SEC22C: variants seen among roughly 807,000 people sequenced by gnomAD.
SEC22C encodes the protein vesicle-trafficking protein SEC22c.
A neutral mutation model predicts 34.7 loss-of-function variants in SEC22C; 29 were observed. The observed-to-expected ratio is 0.84, with a 90% CI of 0.62 to 1.14. SEC22C has a LOEUF of 1.14. Among genes scored for constraint, SEC22C ranks in the 50% most tolerant of loss-of-function variants. The pLI, the probability that SEC22C is intolerant of heterozygous loss-of-function variation, is 0.00. For synonymous variants in SEC22C, 117 were observed against 132.8 expected, an observed-to-expected ratio of 0.88 and a Z score of 0.82; for missense variants, 337 against 369.0, an observed-to-expected ratio of 0.91 and a Z score of 0.71.
intron 6 of SEC22C, among the ~76,000 whole-genome samples, chr3:42,554,552 C>G (rs1213566644): frequency 6.6e-6 from 1 of 151,962 alleles, no homozygotes; most frequent in East Asian, 1.9e-4. Flanking sequence ...GTTCCCTAGG[C>G]TGGTCTTGAA....
rs147279884 is a variant in SEC22C, at chr3:42,565,770, C to T, written c.183-2084G>A. 1.8e-4 allele frequency: 74 copies of T among 414,742 alleles called. 1 individual carries two copies. The East Asian group carries it at 4.8e-3, about 27-fold the overall frequency. 25.7% of individuals were successfully genotyped at this position (414,742 alleles called of 1,614,324 possible). ...AGTTTGTAGAGGGAACATGGCCCTGCGATACCTGTGAGAGAACGAATTCTG... is the reference window on the plus strand; with the variant it reads ...AGTTTGTAGAGGGAACATGGCCCTGTGATACCTGTGAGAGAACGAATTCTG... On this transcript the variant is annotated intron_variant, in intron 2 of 6. Coordinates refer to ENST00000264454, the MANE Select transcript of SEC22C (RefSeq NM_032970.4).
chr3:42,596,065 C>G (rs1486936222), intron 1 of SEC22C, among the ~76,000 whole-genome samples: 1 of 151,746 alleles, frequency 6.6e-6, no homozygotes, highest in African/African-American at 2.4e-5. Context: ...GAATCTCGCT[C>G]TGTCGGAGTG....
chr3:42,594,553 G>A, intron 1 of SEC22C: 1 of 1,528,302 alleles, frequency 6.5e-7, no homozygotes, highest in Non-Finnish European at 9.1e-7. Flanking sequence ...GCTGTCGTGA[G>A]GAGTAATTGA....
chr3:42,559,633 T>C (rs922763611), intron 4 of SEC22C, among the ~76,000 whole-genome samples: 1 of 152,184 alleles, frequency 6.6e-6, no homozygotes, highest in African/African-American at 2.4e-5. Context: ...ATTCAAGAAA[T>C]GAGTTTAGCA....
chr3:42,590,939 G>A, intron 1 of SEC22C: 2 of 1,402,612 alleles, frequency 1.4e-6, no homozygotes, highest in Non-Finnish European at 1.9e-6. Context: ...GGGGCAAGGC[G>A]GAAGTCAATC....
At chr3:42,599,763 CACTT>C (rs1376857691) in intron 1 of SEC22C, among the ~76,000 whole-genome samples, 17 of 151,618 alleles carry the variant, frequency 1.1e-4, no homozygotes, top group Non-Finnish European at 2.1e-4. Flanking sequence ...AAAATGTTGA[CACTT>C]ACTTGACAAC....
At chr3:42,594,572 C>T in intron 1 of SEC22C, 1 of 1,391,150 alleles carries the variant, frequency 7.2e-7, no homozygotes, top group South Asian at 1.2e-5. Context: ...GAATGTAATC[C>T]ATCTCTTACA....
At chr3:42,591,647 A>C in intron 1 of SEC22C, 1 of 1,293,068 alleles carries the variant, frequency 7.7e-7, no homozygotes, top group Non-Finnish European at 1.1e-6. Flanking sequence ...GTAGAGGGGA[A>C]GCCTGTGTGA....
At chr3:42,566,925 T>A (rs1703283854) in intron 2 of SEC22C, 2 of 234,332 alleles carry the variant, frequency 8.5e-6, no homozygotes, top group African/African-American at 2.3e-5. Flanking sequence ...ATCTATCCAA[T>A]CTACCTATCT....
At chr3:42,565,757 G>A (rs1276212073) in intron 2 of SEC22C, 1 of 401,350 alleles carries the variant, frequency 2.5e-6, no homozygotes, top group Non-Finnish European at 4.9e-6. Context: ...TTTGTAGAGG[G>A]AACATGGCCC....
At chr3:42,598,904 A>G (rs375252028) in intron 1 of SEC22C, among the ~76,000 whole-genome samples, 1 of 134,440 alleles carries the variant, frequency 7.4e-6, no homozygotes, top group African/African-American at 2.7e-5. Context: ...ACTTTCACAT[A>G]ATGTGTATAT....
chr3:42,594,443 AAATCTCATTTATTTG>A, intron 1 of SEC22C: 1 of 1,613,954 alleles, frequency 6.2e-7, no homozygotes, highest in Non-Finnish European at 8.5e-7. Flanking sequence ...TGTTACATAG[AAATCTCATTTATTTG>A]GCTACCATTG....
At chr3:42,597,968 C>T (rs1226093665) in intron 1 of SEC22C, among the ~76,000 whole-genome samples, 1 of 152,172 alleles carries the variant, frequency 6.6e-6, no homozygotes, top group Non-Finnish European at 1.5e-5. Flanking sequence ...AAACTTTGTG[C>T]ACTGCTGATG....
At position 42,566,779 on chromosome 3, in the gene SEC22C, G is replaced by C. The variant is rs1230258226; in HGVS notation, c.182+2086C>G. 1.5e-4 allele frequency: 59 copies of C among 381,128 alleles called. 1 individual carries two copies. Among genetic ancestry groups the C allele is most frequent in the Admixed American group, 2.8e-5 (1 of 35,388 alleles). 23.6% of individuals were successfully genotyped at this position (381,128 alleles called of 1,614,324 possible). Reference sequence around the variant, plus strand: ...AGGGCTTTGGAAGGCCAAGGCGGGAGGATCACTTGAGCCTAGGAGTTTAAG... The same window carrying C: ...AGGGCTTTGGAAGGCCAAGGCGGGACGATCACTTGAGCCTAGGAGTTTAAG... On this transcript the variant is annotated intron_variant, in intron 2 of 6. Transcript: ENST00000264454.
rs778301584 is a variant in SEC22C at position 42,550,672 on chromosome 3, GA to G, written c.*2575del. 39 of 985,014 alleles carry G rather than the reference GA, an allele frequency of 4.0e-5. No homozygotes were observed. The highest frequency in any genetic ancestry group is 4.2e-5 in the Non-Finnish European group (35 of 829,858). The allele number at this position is 985,014 out of a possible 1,614,324, so 61.0% of individuals were successfully genotyped here. A position where few individuals can be genotyped will look rare whatever the true frequency, so the allele number is the denominator to read the frequency against. ...ATATCCACACATTCGACCTGGTGTG[GA>G]TAACATCTCTGGTAGTGCCTCGGTG... On this transcript the variant is annotated 3_prime_UTR_variant, in exon 7 of 7. Transcript: ENST00000264454.
rs950981380 is a variant in SEC22C at position 42,549,160 on chromosome 3, T to G, written c.*4088A>C. 10 of 991,730 alleles carry G rather than the reference T, an allele frequency of 1.0e-5. No homozygotes were observed. Among genetic ancestry groups the G allele is most frequent in the Non-Finnish European group, 1.2e-5 (10 of 833,208 alleles). The allele number at this position is 991,730 out of a possible 1,614,324, so 61.4% of individuals were successfully genotyped here. ...ATTATTAACACTCACAGGGCACAGG[T>G]AGAGCGTCCCCAGACCTGTGCAATA... On this transcript the variant is annotated 3_prime_UTR_variant, in exon 7 of 7. Coordinates refer to ENST00000264454, the MANE Select transcript of SEC22C (RefSeq NM_032970.4).
chr3:42,556,643 G>A (rs186792332), intron 5 of SEC22C, among the ~76,000 whole-genome samples: 7 of 152,332 alleles, frequency 4.6e-5, no homozygotes, highest in African/African-American at 9.6e-5. Flanking sequence ...ATATGCATGG[G>A]TGTGAGTATG....
At chr3:42,580,598 AC>A (rs1343198345) in intron 1 of SEC22C, 1 of 152,196 alleles carries the variant, frequency 6.6e-6, no homozygotes, top group East Asian at 1.9e-4. Flanking sequence ...AGGACCTTTT[AC>A]ACTGATAATG....
chr3:42,600,920 T>C (rs1705339448), intron 1 of SEC22C: 2 of 1,018,230 alleles, frequency 2.0e-6, no homozygotes, highest in Non-Finnish European at 1.3e-6. Context: ...AGCCCCGCCC[T>C]CGCCCCTGCC....
Sources: gnomAD v4.1 joint callset for allele counts (sites outside exome capture counted in the v4.1 genomes callset) on GRCh38, gnomAD v4.1.1 for gene constraint, MANE v1.5 for transcripts, NCBI Gene and HGNC (gene_info 2026-07-23, HGNC 2026-07-21) for gene names.